The following IPO7 variants were observed in gnomAD, a reference collection of about 807,000 sequenced individuals.
IPO7 encodes importin-7.
Under a neutral mutation model 136.4 loss-of-function variants are expected in IPO7, and 13 were observed. The ratio of observed to expected loss-of-function variants is 0.10; its 90% CI spans 0.06 to 0.15. IPO7 has a LOEUF of 0.15. IPO7 is among the 10% of genes least tolerant of loss of function. IPO7 has a pLI of 1.00. For missense variants in IPO7, 857 were observed against 1,240.6 expected, an observed-to-expected ratio of 0.69 and a Z score of 4.65; for synonymous variants, 403 against 404.4, an observed-to-expected ratio of 1.00 and a Z score of 0.04.
intron 6 of IPO7, among the ~76,000 whole-genome samples, chr11:9,419,557 A>AT (rs1318848863): frequency 7.5e-4 from 94 of 125,800 alleles, no homozygotes; most frequent in African/African-American, 2.2e-3. Flanking sequence ...AAAAAAAAAA[A>AT]AAATATATAT....
At chr11:9,426,784 G>T (rs1855215325) in intron 12 of IPO7, among the ~76,000 whole-genome samples, 1 of 152,014 alleles carries the variant, frequency 6.6e-6, no homozygotes. Flanking sequence ...TTGAGATGGA[G>T]TCTTGCTCTG....
At chr11:9,402,834 C>T (rs1369849078) in intron 1 of IPO7, 1 of 156,196 alleles carries the variant, frequency 6.4e-6, no homozygotes, top group Non-Finnish European at 1.4e-5. Flanking sequence ...GCCTTGGGGG[C>T]GACAGTAAGA....
At chr11:9,431,228 T>C (rs73406223) in intron 16 of IPO7, among the ~76,000 whole-genome samples, 3,031 of 152,296 alleles carry the variant, frequency 0.02, 97 homozygotes, top group African/African-American at 0.067. Flanking sequence ...TCGTTATGTT[T>C]TCTCAGATCC....
At position 9,408,719 on chromosome 11, in the gene IPO7, T is replaced by G. The variant is rs1342496352; in HGVS notation, c.320+80T>G. ...TTGTTTTTTGGTTTTTTTTTTTTTT[T>G]TTTTTTTTTTTGAGATGGACTTTCC... On this transcript the variant is annotated intron_variant, in intron 3 of 24. Transcript: ENST00000379719. The G allele has an allele frequency of 3.6e-5, 37 of 1,038,388 alleles. 1 individual carries two copies. Among genetic ancestry groups the G allele is most frequent in the Admixed American group, 9.3e-5 (3 of 32,362 alleles). 64.3% of individuals were successfully genotyped at this position (1,038,388 alleles called of 1,614,324 possible).
chr11:9,439,000 A>G lies in IPO7; in HGVS notation c.2695+715A>G, dbSNP rs7946829. ...GAGAGATTATAGTTCCCTTTTTTATATGGTGGCATGAGCCTATAGTCCCAG... is the reference window on the plus strand; with the variant it reads ...GAGAGATTATAGTTCCCTTTTTTATGTGGTGGCATGAGCCTATAGTCCCAG... On this transcript the variant is annotated intron_variant, in intron 22 of 24. Transcript: ENST00000379719. Among the ~76,000 whole-genome samples the G allele has an allele frequency of 4.5e-3, 678 of 152,172 alleles. 9 individuals carry two copies. The highest frequency in any genetic ancestry group is 0.012 in the African/African-American group (483 of 41,536).
intron 10 of IPO7, 110 bp from the exon 11 acceptor site, chr11:9,424,804 T>C (rs1855181076): frequency 1.4e-6 from 1 of 727,130 alleles, no homozygotes; most frequent in South Asian, 1.7e-5. Flanking sequence ...TGCAAAATTA[T>C]AAAGGGATCT....
At chr11:9,420,541 T>C (rs368261806) in intron 7 of IPO7, 36 bp downstream of exon 7, 3 of 1,571,162 alleles carry the variant, frequency 1.9e-6, no homozygotes, top group East Asian at 2.2e-5. Flanking sequence ...TAAATTAATT[T>C]ATTAAGGTTT....
intron 13 of IPO7, 134 bp from the exon 14 acceptor site, chr11:9,428,897 T>A (rs1855252047): frequency 1.2e-6 from 1 of 830,424 alleles, no homozygotes; most frequent in African/African-American, 1.7e-5. Flanking sequence ...ATAGTACTGG[T>A]CTAGTGTTGT....
chr11:9,428,077 G>T (rs1321626974), intron 12 of IPO7, among the ~76,000 whole-genome samples: 1 of 151,640 alleles, frequency 6.6e-6, no homozygotes, highest in Admixed American at 6.6e-5. Context: ...CCGAAATTGT[G>T]CCACTGCACT....
chr11:9,434,783 G>T lies in IPO7; in HGVS notation c.2075-151G>T, dbSNP rs1855347278. On this transcript the variant is annotated intron_variant, in intron 18 of 24. Transcript: ENST00000379719. The stretch of plus-strand genomic sequence containing the variant: ...ATTGGGCACTCCATCCTGAGCAACA[G>T]AGTGAGAGTGTCCCCCCTCCCCCCA... The T allele has an allele frequency of 1.4e-5, 9 of 658,682 alleles. No individual in the cohort carries two copies. The Admixed American group carries it at 2.2e-4, about 16-fold the overall frequency. 40.8% of individuals were successfully genotyped at this position (658,682 alleles called of 1,614,324 possible). A position where few individuals can be genotyped will look rare whatever the true frequency, so the allele number is the denominator to read the frequency against.
intron 8 of IPO7, among the ~76,000 whole-genome samples, chr11:9,421,060 G>A (rs1383511837): frequency 6.6e-6 from 1 of 152,024 alleles, no homozygotes; most frequent in Non-Finnish European, 1.5e-5. Flanking sequence ...CCAGGTTCAA[G>A]CGATTCTCCT....
At chr11:9,430,118 T>C (rs1311853253) in intron 15 of IPO7, among the ~76,000 whole-genome samples, 1 of 152,114 alleles carries the variant, frequency 6.6e-6, no homozygotes, top group African/African-American at 2.4e-5. Flanking sequence ...CTGTGAGAAT[T>C]TCCGGCAGTA....
At chr11:9,414,132 T>A in intron 4 of IPO7, 123 bp from the exon 5 acceptor site, 1 of 653,164 alleles carries the variant, frequency 1.5e-6, no homozygotes, top group Non-Finnish European at 2.4e-6. Flanking sequence ...TCTAGATATT[T>A]TTCTTTTTCT....
rs1393115503 is a variant in IPO7, at chr11:9,436,906, G to A, written c.2268+540G>A. On this transcript the variant is annotated intron_variant, in intron 20 of 24. Transcript: ENST00000379719. ...TTTTTTTTTTTTTTTTTTTTTTTGA[G>A]ACGCTGTCTCGCCCTGTCGCCTAGG... 4.4e-5 allele frequency among the ~76,000 whole-genome samples: 3 copies of A among 68,828 alleles called. No homozygotes were observed. The South Asian group carries it at 1.7e-3, about 40-fold the overall frequency. The allele number at this position is 68,828 out of a possible 152,430, so 45.2% of individuals were successfully genotyped here. A position where few individuals can be genotyped will look rare whatever the true frequency, so the allele number is the denominator to read the frequency against.
At chr11:9,437,127 C>G (rs1376779720) in intron 20 of IPO7, among the ~76,000 whole-genome samples, 1 of 151,334 alleles carries the variant, frequency 6.6e-6, no homozygotes, top group African/African-American at 2.4e-5. Flanking sequence ...CTCAAGTGTT[C>G]TGCCCACCTC....
intron 2 of IPO7, among the ~76,000 whole-genome samples, chr11:9,405,331 C>G (rs1441786551): frequency 6.6e-6 from 1 of 152,048 alleles, no homozygotes; most frequent in Non-Finnish European, 1.5e-5. Flanking sequence ...CCCGCCACCA[C>G]GCCCGGCTAA....
intron 23 of IPO7, among the ~76,000 whole-genome samples, chr11:9,441,435 T>C (rs1452264561): frequency 6.6e-6 from 1 of 152,228 alleles, no homozygotes; most frequent in East Asian, 1.9e-4. Context: ...TCAGAGTTAA[T>C]TGCTGTTATA....
intron 1 of IPO7, among the ~76,000 whole-genome samples, chr11:9,391,692 A>G (rs1393596836): frequency 6.6e-6 from 1 of 152,186 alleles, no homozygotes; most frequent in African/African-American, 2.4e-5. Context: ...CGACAGCAAG[A>G]CTCCATCTTA....
rs11042358 is a variant in IPO7, at chr11:9,445,291, A to C, written c.*97A>C. The C allele has an allele frequency of 4.5e-3, 3,109 of 687,950 alleles. 15 individuals carry two copies. The highest frequency in any genetic ancestry group is 6.6e-3 in the Non-Finnish European group (2,613 of 394,812). 42.6% of individuals were successfully genotyped at this position (687,950 alleles called of 1,614,324 possible). ...TGGTTCATGTTATCTATTCTAAACT[A>C]ATAATCAATAGATGGACAAAAGAAA... On this transcript the variant is annotated 3_prime_UTR_variant, in exon 25 of 25. Transcript: ENST00000379719.
Sources: allele counts gnomAD v4.1 joint callset (sites outside exome capture counted in the v4.1 genomes callset), GRCh38; gene constraint gnomAD v4.1.1; transcripts MANE v1.5; gene names NCBI Gene and HGNC (gene_info 2026-07-23, HGNC 2026-07-21).